SH3RF3: variants seen among roughly 807,000 people sequenced by gnomAD.
SH3RF3 encodes the protein SH3 domain containing ring finger 3, also known as E3 ubiquitin-protein ligase SH3RF3.
SH3RF3 carries 29 observed loss-of-function variants against 66.3 expected under a neutral mutation model. That is an observed-to-expected ratio of 0.44 (90% CI 0.33 to 0.60). SH3RF3 has a LOEUF of 0.60. SH3RF3 is among the 20% of genes least tolerant of loss of function. SH3RF3 has a pLI of 0.04. For missense variants in SH3RF3, 1,194 were observed against 1,190.9 expected, an observed-to-expected ratio of 1.00 and a Z score of -0.04; for synonymous variants, 583 against 532.0, an observed-to-expected ratio of 1.10 and a Z score of -1.32.
At chr2:109,327,518 T>C (rs1193649247) in intron 1 of SH3RF3, among the ~76,000 whole-genome samples, 1 of 152,202 alleles carries the variant, frequency 6.6e-6, no homozygotes, top group Non-Finnish European at 1.5e-5. Flanking sequence ...TACTTGAAAA[T>C]CCCGTCGAGA....
intron 1 of SH3RF3, among the ~76,000 whole-genome samples, chr2:109,342,865 T>G (rs1682587880): frequency 6.6e-6 from 1 of 152,234 alleles, no homozygotes; most frequent in African/African-American, 2.4e-5. Flanking sequence ...CATTATAAGT[T>G]TTAATTATTA....
intron 1 of SH3RF3, among the ~76,000 whole-genome samples, chr2:109,344,253 T>C (rs1682630231): frequency 6.6e-6 from 1 of 152,074 alleles, no homozygotes; most frequent in African/African-American, 2.4e-5. Context: ...AGGTGGCCGA[T>C]GGAGTTAGGA....
rs142968320 is a variant in SH3RF3, at chr2:109,372,005, A to C, written c.945+324A>C. Among the ~76,000 whole-genome samples, 55 of 151,772 alleles carry C rather than the reference A, an allele frequency of 3.6e-4. No individual in the cohort carries two copies. In the East Asian group the frequency reaches 0.01, roughly 28 times the overall value. ...TGCGCCTGGCACCCATGCTTCTCCA[A>C]CTCCCCCAAGTGCTGCTGCTCTTTT... On this transcript the variant is annotated intron_variant, in intron 3 of 9. Coordinates refer to ENST00000309415, the MANE Select transcript of SH3RF3 (RefSeq NM_001099289.3).
In SH3RF3 at chr2:109,346,375, T is replaced by C. The variant is rs1192511509; in HGVS notation, c.574-1299T>C. Among the ~76,000 whole-genome samples, 3 of 152,238 alleles carry C rather than the reference T, an allele frequency of 2.0e-5. 1 individual carries two copies. In the East Asian group the frequency reaches 5.8e-4, roughly 29 times the overall value. ...GTCCTCTACAAAGAGTTTTTCGATG[T>C]ACTACTGCTTCAGGCTTTTGTGCTT... On this transcript the variant is annotated intron_variant, in intron 1 of 9. Coordinates refer to ENST00000309415, the MANE Select transcript of SH3RF3 (RefSeq NM_001099289.3).
chr2:109,152,360 C>A (rs1255288660), intron 1 of SH3RF3, among the ~76,000 whole-genome samples: 1 of 152,124 alleles, frequency 6.6e-6, no homozygotes, highest in African/African-American at 2.4e-5. Context: ...TTTGGCAAAT[C>A]CCTCTTATAT....
chr2:109,443,995 A>G (rs143419983), intron 7 of SH3RF3, among the ~76,000 whole-genome samples: 1 of 152,218 alleles, frequency 6.6e-6, no homozygotes, highest in African/African-American at 2.4e-5. Flanking sequence ...CTGGGCCATG[A>G]TATTTTTAAG....
chr2:109,249,501 C>CT (rs1406653769), intron 1 of SH3RF3, among the ~76,000 whole-genome samples: 8 of 34,808 alleles, frequency 2.3e-4, no homozygotes, highest in African/African-American at 1.1e-3. Flanking sequence ...TTCTTTCTTT[C>CT]TTTCTTTCAT....
At chr2:109,496,758 A>G (rs1380210366) in intron 9 of SH3RF3, among the ~76,000 whole-genome samples, 3 of 147,818 alleles carry the variant, frequency 2.0e-5, no homozygotes, top group Admixed American at 7.0e-5. Flanking sequence ...AAAACTCATG[A>G]CTATGTTACC....
chr2:109,398,822 A>C lies in SH3RF3; in HGVS notation c.1178A>C (p.Gln393Pro). 1 of 1,613,886 alleles carries C rather than the reference A, an allele frequency of 6.2e-7. No homozygotes were observed. The highest frequency in any genetic ancestry group is 1.7e-5 in the Admixed American group (1 of 60,018). Residue 393 changes from glutamine (Q) to proline (P), a missense_variant, in exon 4 of 10, where the codon CAG becomes CCG. Coordinates refer to ENST00000309415, the MANE Select transcript of SH3RF3 (RefSeq NM_001099289.3). ...TALSVTHRSS[Q>P]AASHRHSMEI... ...CTCAGTGTGACGCACAGATCCTCCCAGGCTGCCAGCCACAGGCATTCCATG... is the reference window on the plus strand; with the variant it reads ...CTCAGTGTGACGCACAGATCCTCCCCGGCTGCCAGCCACAGGCATTCCATG...
intron 7 of SH3RF3, among the ~76,000 whole-genome samples, chr2:109,444,410 C>A (rs1156377068): frequency 6.6e-6 from 1 of 152,172 alleles, no homozygotes; most frequent in African/African-American, 2.4e-5. Context: ...AAAAAGCAGG[C>A]CTTGTTGGGT....
At chr2:109,432,358 C>T (rs1677254853) in intron 5 of SH3RF3, 143 bp from the exon 6 acceptor site, 1 of 1,075,788 alleles carries the variant, frequency 9.3e-7, no homozygotes, top group African/African-American at 1.6e-5. Flanking sequence ...TGTGAGGCCT[C>T]TGTAAACTGC....
At position 109,449,166 on chromosome 2, in the gene SH3RF3, C is replaced by G. The variant is rs757643965; in HGVS notation, c.1829-4C>G. On this transcript the variant is annotated splice_region_variant and splice_polypyrimidine_tract_variant and intron_variant, in intron 7 of 9. Coordinates refer to ENST00000309415, the MANE Select transcript of SH3RF3 (RefSeq NM_001099289.3). ...ACCTGCTGTCTCTCCAACCCCGTCTCCAGCTGCCCACTCTGCAGCCCAGGC... is the reference window on the plus strand; with the variant it reads ...ACCTGCTGTCTCTCCAACCCCGTCTGCAGCTGCCCACTCTGCAGCCCAGGC... 1.2e-6 allele frequency: 2 copies of G among 1,612,810 alleles called. No individual in the cohort carries two copies. Among genetic ancestry groups the G allele is most frequent in the South Asian group, 1.1e-5 (1 of 90,768 alleles).
chr2:109,424,791 CT>C (rs1216248891), intron 5 of SH3RF3, among the ~76,000 whole-genome samples: 1 of 152,162 alleles, frequency 6.6e-6, no homozygotes, highest in Non-Finnish European at 1.5e-5. Context: ...CCAGGCCTAC[CT>C]TTTCCCTTAG....
At chr2:109,147,175 AG>A (rs1288729165) in intron 1 of SH3RF3, among the ~76,000 whole-genome samples, 1 of 152,114 alleles carries the variant, frequency 6.6e-6, no homozygotes, top group African/African-American at 2.4e-5. Flanking sequence ...CACTTCCTCA[AG>A]GTGCCTGGGA....
intron 1 of SH3RF3, among the ~76,000 whole-genome samples, chr2:109,202,848 G>T (rs756575433): frequency 5.9e-5 from 9 of 152,238 alleles, no homozygotes; most frequent in Admixed American, 1.3e-4. Context: ...TTTAAGTGTT[G>T]CAGAATTTAT....
At chr2:109,428,398 G>C (rs562537732) in intron 5 of SH3RF3, among the ~76,000 whole-genome samples, 1 of 152,248 alleles carries the variant, frequency 6.6e-6, no homozygotes. Context: ...AGGCTGTGCT[G>C]TTAGTTTCAA....
At chr2:109,172,620 A>G (rs1295350874) in intron 1 of SH3RF3, among the ~76,000 whole-genome samples, 1 of 152,212 alleles carries the variant, frequency 6.6e-6, no homozygotes, top group Non-Finnish European at 1.5e-5. Flanking sequence ...AATCAGCAGC[A>G]TCACCTCTCC....
At chr2:109,496,546 G>A (rs1440918477) in intron 9 of SH3RF3, among the ~76,000 whole-genome samples, 1 of 152,178 alleles carries the variant, frequency 6.6e-6, no homozygotes, top group African/African-American at 2.4e-5. Context: ...GAGGGTGAGG[G>A]CACCTGCAGC....
intron 1 of SH3RF3, among the ~76,000 whole-genome samples, chr2:109,231,041 C>T (rs563191398): frequency 5.9e-5 from 9 of 152,338 alleles, no homozygotes; most frequent in South Asian, 2.1e-4. Context: ...AATGTCAGCA[C>T]GGACAGAGCA....
Sources: allele counts gnomAD v4.1 joint callset (sites outside exome capture counted in the v4.1 genomes callset), GRCh38; gene constraint gnomAD v4.1.1; transcripts MANE v1.5; gene names NCBI Gene and HGNC (gene_info 2026-07-23, HGNC 2026-07-21).